ACVR1: variants seen among roughly 807,000 people sequenced by gnomAD.
ACVR1 encodes activin A receptor type 1, also known as activin receptor type-1.
Under a neutral mutation model 57.1 loss-of-function variants are expected in ACVR1, and 38 were observed. That is an observed-to-expected ratio of 0.67 (90% CI 0.51 to 0.87). ACVR1 has a LOEUF of 0.87. Ranked by LOEUF, ACVR1 falls within the 40% of genes least tolerant of loss-of-function variation. The probability of loss-of-function intolerance (pLI) is 0.00; values close to 1 mark genes in which losing one functional copy is unlikely to be tolerated. For missense variants in ACVR1, 463 were observed against 638.2 expected (o/e 0.73, Z 2.96); for synonymous variants, 212 against 228.1 (o/e 0.93, Z 0.63).
chr2:157,737,434 A>T lies in ACVR1; in HGVS notation c.*97T>A. On this transcript the variant is annotated 3_prime_UTR_variant, in exon 11 of 11. Transcript: ENST00000434821. ...AAAGCAGCCATTTGGGGAGGGAGAC[A>T]GATGGATTCCATTCTGACAACCAGT... 1 of 1,494,674 alleles carries T rather than the reference A, an allele frequency of 6.7e-7. No individual in the cohort carries two copies. The highest frequency in any genetic ancestry group is 9.2e-7 in the Non-Finnish European group (1 of 1,091,998). The allele number at this position is 1,494,674 out of a possible 1,614,324, so 92.6% of individuals were successfully genotyped here.
rs567563761 is a variant in ACVR1 at position 157,823,981 on chromosome 2, G to A, written c.-182-5422C>T. On this transcript the variant is annotated intron_variant, in intron 1 of 10. Coordinates refer to ENST00000434821, the MANE Select transcript of ACVR1 (RefSeq NM_001111067.4). ...TGTAATCTTTTCCTGCAAAACAGGCGTCATGACTCCCTTGCAGAGCTGCCA... is the reference window on the plus strand; with the variant it reads ...TGTAATCTTTTCCTGCAAAACAGGCATCATGACTCCCTTGCAGAGCTGCCA... Among the ~76,000 whole-genome samples, 28 of 152,254 alleles carry A rather than the reference G, an allele frequency of 1.8e-4. No individual in the cohort carries two copies. In the Middle Eastern group the frequency reaches 0.01, roughly 55 times the overall value.
In ACVR1 at chr2:157,737,168, T is replaced by C; in HGVS notation, c.*363A>G. On this transcript the variant is annotated 3_prime_UTR_variant, in exon 11 of 11. Transcript: ENST00000434821. ...ATTAAAAATTCACCACCTCCTTGAGTTTCCCGTGGGGAGTGTCTAGGAGAC... is the reference window on the plus strand; with the variant it reads ...ATTAAAAATTCACCACCTCCTTGAGCTTCCCGTGGGGAGTGTCTAGGAGAC... 1 of 346,802 alleles carries C rather than the reference T, an allele frequency of 2.9e-6. No individual in the cohort carries two copies. Among genetic ancestry groups the C allele is most frequent in the Non-Finnish European group, 5.4e-6 (1 of 186,106 alleles). 21.5% of individuals were successfully genotyped at this position (346,802 alleles called of 1,614,324 possible). A position where few individuals can be genotyped will look rare whatever the true frequency, so the allele number is the denominator to read the frequency against.
intron 2 of ACVR1, among the ~76,000 whole-genome samples, chr2:157,816,425 A>T (rs2105326709): frequency 6.9e-6 from 1 of 144,928 alleles, no homozygotes; most frequent in South Asian, 2.1e-4. Context: ...CTCCAAAAAA[A>T]AAAACAAACG....
chr2:157,824,329 A>C (rs902571854), intron 1 of ACVR1, among the ~76,000 whole-genome samples: 2 of 152,044 alleles, frequency 1.3e-5, no homozygotes, highest in African/African-American at 4.8e-5. Flanking sequence ...TTAGCCTGGC[A>C]TGGTGGTGCA....
At chr2:157,757,592 C>T (rs1201000404) in intron 9 of ACVR1, among the ~76,000 whole-genome samples, 1 of 151,774 alleles carries the variant, frequency 6.6e-6, no homozygotes, top group Non-Finnish European at 1.5e-5. Context: ...AATGGGATGA[C>T]ATATTCAAAT....
Position 157,876,125 on chromosome 2 carries a change from G to C in ACVR1, c.-512C>G, listed in dbSNP as rs1256475808. Among the ~76,000 whole-genome samples the C allele has an allele frequency of 1.3e-5, 2 of 150,236 alleles. No individual in the cohort carries two copies. Among genetic ancestry groups the C allele is most frequent in the African/African-American group, 4.9e-5 (2 of 40,948 alleles). ...GAGCCGGGGGAGGGCGGGGAGGCGG[G>C]GTGAAGAGGAGGAGGAAGGGGAGGA... On this transcript the variant is annotated 5_prime_UTR_variant, in exon 1 of 11. Transcript: ENST00000434821.
intron 1 of ACVR1, among the ~76,000 whole-genome samples, chr2:157,850,273 C>T (rs758301339): frequency 1.8e-4 from 28 of 151,736 alleles, no homozygotes; most frequent in South Asian, 8.3e-4. Flanking sequence ...ACCTGTAGTC[C>T]AAACTACTCG....
At chr2:157,786,168 C>T (rs1180740567) in intron 3 of ACVR1, among the ~76,000 whole-genome samples, 1 of 152,194 alleles carries the variant, frequency 6.6e-6, no homozygotes, top group African/African-American at 2.4e-5. Flanking sequence ...TTTGTTCACA[C>T]ACCCAGATTT....
In ACVR1 at chr2:157,780,264, T is replaced by C. The variant is rs754372250; in HGVS notation, c.331+73A>G. ...GTGGAATGCCTCATAGCTACTTAGA[T>C]CTTTAACCCACACGGACCCAGGACA... On this transcript the variant is annotated intron_variant, in intron 4 of 10. Transcript: ENST00000434821. The C allele has an allele frequency of 4.4e-4, 706 of 1,604,786 alleles. 1 individual carries two copies. The highest frequency in any genetic ancestry group is 5.6e-4 in the Non-Finnish European group (652 of 1,173,770).
chr2:157,738,371 G>A lies in ACVR1; in HGVS notation c.1395+69C>T, dbSNP rs1022180154. On this transcript the variant is annotated intron_variant, in intron 10 of 10. Transcript: ENST00000434821. ...AGATCACTCAGATGCAATACCAGTT[G>A]AAACTCAAAGGGAAACAAATAGCAA... The A allele has an allele frequency of 5.6e-6, 9 of 1,609,388 alleles. No homozygotes were observed. In the African/African-American group the frequency reaches 1.1e-4, roughly 19 times the overall value.
chr2:157,805,396 C>T (rs1490679418), intron 2 of ACVR1, among the ~76,000 whole-genome samples: 2 of 152,160 alleles, frequency 1.3e-5, no homozygotes, highest in Non-Finnish European at 2.9e-5. Flanking sequence ...AATCACCCAC[C>T]CCTATTTTGA....
intron 1 of ACVR1, among the ~76,000 whole-genome samples, chr2:157,851,508 A>T (rs1449580645): frequency 6.6e-6 from 1 of 152,192 alleles, no homozygotes; most frequent in Non-Finnish European, 1.5e-5. Context: ...CTATGGAGAC[A>T]TTCTTAGAAA....
rs1689001854 is a variant in ACVR1, at chr2:157,842,109, A to T, written c.-182-23550T>A. 2.6e-5 allele frequency among the ~76,000 whole-genome samples: 4 copies of T among 152,044 alleles called. No homozygotes were observed. In the South Asian group the frequency reaches 8.3e-4, roughly 32 times the overall value. Reference sequence around the variant, plus strand: ...CTGCTACTTTAGGGGGAGTCATTCTAGGGAAACATCCCTTGTTACAATCAC... The same window carrying T: ...CTGCTACTTTAGGGGGAGTCATTCTTGGGAAACATCCCTTGTTACAATCAC... On this transcript the variant is annotated intron_variant, in intron 1 of 10. Transcript: ENST00000434821.
At chr2:157,833,185 C>T (rs1688648421) in intron 1 of ACVR1, among the ~76,000 whole-genome samples, 1 of 152,198 alleles carries the variant, frequency 6.6e-6, no homozygotes, top group Admixed American at 6.5e-5. Flanking sequence ...CAGCTGAATT[C>T]TCTCAGAAGT....
intron 1 of ACVR1, among the ~76,000 whole-genome samples, chr2:157,851,912 A>ACCCCCCCCCC (rs1559094092): frequency 1.8e-4 from 3 of 16,244 alleles, no homozygotes; most frequent in African/African-American, 6.0e-4. Context: ...CACACACACC[A>ACCCCCCCCCC]CCCCCACCCC....
At chr2:157,776,749 C>T (rs1686303672) in intron 5 of ACVR1, among the ~76,000 whole-genome samples, 1 of 152,178 alleles carries the variant, frequency 6.6e-6, no homozygotes, top group Admixed American at 6.5e-5. Flanking sequence ...CCCAGATGGT[C>T]ACTGGTGAGG....
chr2:157,851,635 T>C (rs1689304166), intron 1 of ACVR1, among the ~76,000 whole-genome samples: 1 of 152,122 alleles, frequency 6.6e-6, no homozygotes, highest in Non-Finnish European at 1.5e-5. Context: ...ACATTTATTA[T>C]AGGCCAAAAA....
rs746068237 is a variant in ACVR1, at chr2:157,799,515, G to T, written c.-7-15C>A. 14 of 1,591,710 alleles carry T rather than the reference G, an allele frequency of 8.8e-6. No homozygotes were observed. Among genetic ancestry groups the T allele is most frequent in the Non-Finnish European group, 2.6e-6 (3 of 1,160,010 alleles). On this transcript the variant is annotated splice_polypyrimidine_tract_variant and intron_variant, in intron 2 of 10. Coordinates refer to ENST00000434821, the MANE Select transcript of ACVR1 (RefSeq NM_001111067.4). ...CCATTGTACAACTGTAAAGGGAAAAGAAGAGATGTAAGTAAAGCATAAATA... is the reference window on the plus strand; with the variant it reads ...CCATTGTACAACTGTAAAGGGAAAATAAGAGATGTAAGTAAAGCATAAATA...
chr2:157,815,199 A>G (rs1303443246), intron 2 of ACVR1, among the ~76,000 whole-genome samples: 1 of 152,216 alleles, frequency 6.6e-6, no homozygotes, highest in Non-Finnish European at 1.5e-5. Context: ...CATGTGTGTA[A>G]AAGAAAAATT....
Sources: gnomAD v4.1 joint callset for allele counts (sites outside exome capture counted in the v4.1 genomes callset) on GRCh38, gnomAD v4.1.1 for gene constraint, MANE v1.5 for transcripts, NCBI Gene and HGNC (gene_info 2026-07-23, HGNC 2026-07-21) for gene names.